The following CIT variants were observed in gnomAD, a reference collection of about 807,000 sequenced individuals.
CIT encodes the protein citron Rho-interacting kinase.
A neutral mutation model predicts 272.7 loss-of-function variants in CIT; 79 were observed. The observed-to-expected ratio is 0.29, with a 90% CI of 0.24 to 0.35. CIT has a LOEUF of 0.35. Among genes scored for constraint, CIT ranks in the 10% least tolerant of loss-of-function variants. CIT has a pLI of 1.00. For missense variants in CIT, 1,909 were observed against 2,618.3 expected, an observed-to-expected ratio of 0.73 and a Z score of 5.91; for synonymous variants, 948 against 995.6, an observed-to-expected ratio of 0.95 and a Z score of 0.90.
In CIT at chr12:119,708,098, CA is replaced by C. The variant is rs1443102666; in HGVS notation, c.5211+80del. On this transcript the variant is annotated intron_variant, in intron 40 of 47. Transcript: ENST00000392521. ...TTTAAGTTGACACTATCTTGAAGGT[CA>C]AATCAACGAGCTCTGTGGGAAGAGA... 4 of 1,378,102 alleles carry C rather than the reference CA, an allele frequency of 2.9e-6. No homozygotes were observed. In the African/African-American group the frequency reaches 6.0e-5, roughly 21 times the overall value. The allele number at this position is 1,378,102 out of a possible 1,614,324, so 85.4% of individuals were successfully genotyped here. A position where few individuals can be genotyped will look rare whatever the true frequency, so the allele number is the denominator to read the frequency against.
chr12:119,770,857 A>G lies in CIT; in HGVS notation c.2136T>C (p.Arg712=), dbSNP rs773467436. 4 of 1,612,802 alleles carry G rather than the reference A, an allele frequency of 2.5e-6. No homozygotes were observed. Among genetic ancestry groups the G allele is most frequent in the Non-Finnish European group, 3.4e-6 (4 of 1,179,872 alleles). ...TGTCATCCTTCAGTCTGTTTTCTCT[A>G]CGCTCCATGGTCTCTAGTCTCTTTA... ...NKVKRLETME[R]RENRLKDDIQ... Residue 712 remains arginine, a synonymous_variant, in exon 18 of 48, where the codon CGT becomes CGC. Coordinates refer to ENST00000392521, the MANE Select transcript of CIT (RefSeq NM_001206999.2). The surrounding 1 kb of genome is among the most constrained non-coding windows in gnomAD (Gnocchi z 4.4).
chr12:119,745,116 CAAGT>C (rs1017785984), intron 23 of CIT, among the ~76,000 whole-genome samples: 15 of 149,426 alleles, frequency 1.0e-4, no homozygotes, highest in African/African-American at 3.7e-4. Flanking sequence ...AAATATTCAA[CAAGT>C]AAGTACCAAG....
In CIT at chr12:119,721,300, A is replaced by G; in HGVS notation, c.3732+9T>C. ...CATTTTTAAGCAGATTCCCTCTGCC[A>G]GTCCTCACCTGAATGTTTTCCAGCT... On this transcript the variant is annotated intron_variant, in intron 29 of 47. Transcript: ENST00000392521. 1 of 1,591,910 alleles carries G rather than the reference A, an allele frequency of 6.3e-7. No individual in the cohort carries two copies. The highest frequency in any genetic ancestry group is 8.6e-7 in the Non-Finnish European group (1 of 1,162,774).
At chr12:119,701,783 GGAGT>G (rs752901272) in intron 42 of CIT, 31 bp from the exon 43 acceptor site, 1 of 1,614,240 alleles carries the variant, frequency 6.2e-7, no homozygotes, top group South Asian at 1.1e-5. Flanking sequence ...CGGGGCTTCA[GGAGT>G]GAGTTCTGAG....
chr12:119,834,811 C>A (rs1968883700), intron 5 of CIT, among the ~76,000 whole-genome samples: 1 of 152,130 alleles, frequency 6.6e-6, no homozygotes, highest in Admixed American at 6.6e-5. Flanking sequence ...AGATTCCTTG[C>A]AGTATTGTTT....
At chr12:119,835,069 T>C (rs962600809) in intron 5 of CIT, among the ~76,000 whole-genome samples, 3 of 152,126 alleles carry the variant, frequency 2.0e-5, no homozygotes, top group Non-Finnish European at 1.5e-5. Context: ...AGGAAAAAAA[T>C]CTTGAAGAAG....
chr12:119,703,421 CTTTTTTT>C (rs34483318), intron 41 of CIT, among the ~76,000 whole-genome samples: 10 of 105,718 alleles, frequency 9.5e-5, no homozygotes, highest in South Asian at 6.4e-4. Flanking sequence ...CTTCATTTCA[CTTTTTTT>C]TTTTTTTTTT....
rs749391020 is a variant in CIT at position 119,825,315 on chromosome 12, C to T, written c.807G>A (p.Leu269=). The change falls in exon 8 of 48, where the codon CTG becomes CTA. Residue 269 remains leucine (L), a synonymous_variant. Transcript: ENST00000392521. ...GTPDYMAPEV[L]TVMNGDGKGT... is the part of the protein sequence containing the mutation. ...CTTTTCCATCCCCGTTCATCACAGT[C>T]AGCACTTCAGGAGCCATGTAATCTG... is the stretch of plus-strand genomic sequence containing the variant. 3.7e-6 allele frequency: 6 copies of T among 1,614,062 alleles called. No individual in the cohort carries two copies. In the South Asian group the frequency reaches 6.6e-5, roughly 18 times the overall value.
intron 7 of CIT, among the ~76,000 whole-genome samples, chr12:119,831,153 C>T (rs1161190816): frequency 6.6e-6 from 1 of 152,166 alleles, no homozygotes; most frequent in Non-Finnish European, 1.5e-5. Flanking sequence ...GCACTACACC[C>T]GGCCCATATA....
intron 3 of CIT, among the ~76,000 whole-genome samples, chr12:119,860,129 C>T (rs985509653): frequency 1.3e-5 from 2 of 152,160 alleles, no homozygotes; most frequent in Admixed American, 6.6e-5. Flanking sequence ...GCAACTGTAA[C>T]TACTCTTGCC....
intron 9 of CIT, among the ~76,000 whole-genome samples, chr12:119,807,238 G>A (rs1347993653): frequency 1.3e-5 from 2 of 152,136 alleles, no homozygotes; most frequent in African/African-American, 2.4e-5. Context: ...AACATGAGAG[G>A]TCAAAAGACA....
rs1316102665 is a variant in CIT at position 119,697,913 on chromosome 12, C to T, written c.5702+63G>A. The T allele has an allele frequency of 5.0e-6, 8 of 1,612,234 alleles. No homozygotes were observed. The highest frequency in any genetic ancestry group is 1.7e-5 in the Admixed American group (1 of 59,984). ...GCTAGGCAAGTTAGGAAGGAACATG[C>T]GGCCGGCCCCAACACCTACCCCAAT... On this transcript the variant is annotated intron_variant, in intron 45 of 47. Coordinates refer to ENST00000392521, the MANE Select transcript of CIT (RefSeq NM_001206999.2). The surrounding 1 kb of genome is among the most constrained non-coding windows in gnomAD (Gnocchi z 4.9).
intron 10 of CIT, among the ~76,000 whole-genome samples, chr12:119,794,292 G>A (rs1757813222): frequency 6.6e-6 from 1 of 152,072 alleles, no homozygotes; most frequent in Admixed American, 6.5e-5. Flanking sequence ...ATGAATGAAT[G>A]AATGAATAAA....
At chr12:119,765,382 T>TATATATTATAATATATATTATATAAC (rs1379883906) in intron 19 of CIT, among the ~76,000 whole-genome samples, 28 of 145,458 alleles carry the variant, frequency 1.9e-4, no homozygotes, top group African/African-American at 7.0e-4. Flanking sequence ...TATAATATAA[T>TATATATTATAATATATATTATATAAC]ATATATTATA....
At chr12:119,868,866 G>C (rs530554363) in intron 3 of CIT, among the ~76,000 whole-genome samples, 194 bp downstream of exon 3, 1 of 152,112 alleles carries the variant, frequency 6.6e-6, no homozygotes, top group Non-Finnish European at 1.5e-5. Context: ...TAAGTTTGTC[G>C]CTTGCAACCA....
In CIT at chr12:119,730,626, T is replaced by C. The variant is rs1332633593; in HGVS notation, c.3355A>G (p.Arg1119Gly). 6.2e-7 allele frequency: 1 copy of C among 1,613,376 alleles called. No homozygotes were observed. ...MLDTEKQSRA[R>G]ADQRITESRQ... is the part of the protein sequence containing the mutation. ...GACTCGGTGATCCGCTGATCGGCTC[T>C]CGCCCTGCCAGAAAGACACAGGTCA... The change falls in exon 27 of 48, where the codon AGA becomes GGA. Residue 1119 changes from arginine to glycine, a missense_variant. By Grantham distance (125) the Arg-to-Gly change is moderately radical. Around this residue, in one of 8 missense-constraint regions of CIT, gnomAD observed 530 missense variants for 822.4 expected, o/e 0.64. Transcript: ENST00000392521.
At chr12:119,803,709 C>T (rs1966406054) in intron 9 of CIT, among the ~76,000 whole-genome samples, 1 of 152,220 alleles carries the variant, frequency 6.6e-6, no homozygotes, top group African/African-American at 2.4e-5. Context: ...GCCGCTCCTT[C>T]CTGCTGTTTC....
intron 30 of CIT, 80 bp downstream of exon 30, chr12:119,720,398 C>G: frequency 2.2e-6 from 2 of 914,752 alleles, no homozygotes; most frequent in Non-Finnish European, 3.4e-6. Flanking sequence ...TTCCTATGAT[C>G]ATATATCACA....
In CIT at chr12:119,742,401, T is replaced by G. The variant is rs1959102221; in HGVS notation, c.2958+10A>C. 6.3e-7 allele frequency: 1 copy of G among 1,590,362 alleles called. No homozygotes were observed. The highest frequency in any genetic ancestry group is 1.2e-5 in the South Asian group (1 of 86,870). ...GTTATTTTAATCGTCTTTGGGTAAT[T>G]AATACTCACAGTACAGCTGTTACGA... On this transcript the variant is annotated intron_variant, in intron 24 of 47. Transcript: ENST00000392521.
Sources: gnomAD v4.1 joint callset for allele counts (sites outside exome capture counted in the v4.1 genomes callset) on GRCh38, gnomAD v4.1.1 for gene constraint, gnomAD v4.1.1 regional missense constraint, Gnocchi (gnomAD v3.1) non-coding constraint, MANE v1.5 for transcripts, NCBI Gene and HGNC (gene_info 2026-07-23, HGNC 2026-07-21) for gene names.